Variants in ABCB1 observed in about 807,000 individuals in gnomAD.
ABCB1 encodes the protein ATP binding cassette subfamily B member 1.
In ABCB1, 69 loss-of-function variants were observed where a neutral mutation model predicts 142.0. That is an observed-to-expected ratio of 0.49 (90% CI 0.40 to 0.59). ABCB1 has a LOEUF of 0.59. ABCB1 is among the 20% of genes least tolerant of loss of function. The pLI, the probability that ABCB1 is intolerant of heterozygous loss-of-function variation, is 0.00. For synonymous variants in ABCB1, 532 were observed against 539.2 expected (o/e 0.99, Z 0.18); for missense variants, 1,326 against 1,554.7 (o/e 0.85, Z 2.47).
intron 3 of ABCB1, among the ~76,000 whole-genome samples, chr7:87,588,233 G>A (rs1272063972): frequency 2.6e-5 from 4 of 151,294 alleles, no homozygotes; most frequent in South Asian, 2.1e-4. Context: ...TGTTACATAC[G>A]TAAACTTGTT....
chr7:87,568,165 G>A (rs1229845612), intron 5 of ABCB1, among the ~76,000 whole-genome samples: 4 of 150,380 alleles, frequency 2.7e-5, no homozygotes, highest in South Asian at 4.2e-4. Flanking sequence ...GGAGGCCAAG[G>A]TGGGCGGATC....
At chr7:87,681,906 C>T (rs1826965525) in intron 1 of ABCB1, among the ~76,000 whole-genome samples, 1 of 152,190 alleles carries the variant, frequency 6.6e-6, no homozygotes, top group African/African-American at 2.4e-5. Flanking sequence ...TGAAAGGTTT[C>T]TCTCTAGCAT....
At chr7:87,559,868 C>T (rs28381868) in intron 8 of ABCB1, among the ~76,000 whole-genome samples, 14,455 of 152,194 alleles carry the variant, frequency 0.095, 1,032 homozygotes, top group African/African-American at 0.2. Flanking sequence ...TCTTCCAATG[C>T]TGTTGGGCTG....
intron 1 of ABCB1, among the ~76,000 whole-genome samples, chr7:87,609,051 T>C (rs1665744603): frequency 6.6e-6 from 1 of 152,190 alleles, no homozygotes; most frequent in African/African-American, 2.4e-5. Context: ...GTAGAACTTA[T>C]ATTTGATGGT....
At chr7:87,597,138 A>G (rs1326808740) in intron 2 of ABCB1, among the ~76,000 whole-genome samples, 1 of 152,050 alleles carries the variant, frequency 6.6e-6, no homozygotes, top group South Asian at 2.1e-4. Context: ...TTAAATGCCA[A>G]GTCTGTTCCC....
chr7:87,637,835 T>C (rs929670918), intron 1 of ABCB1, among the ~76,000 whole-genome samples: 2 of 152,026 alleles, frequency 1.3e-5, no homozygotes, highest in Non-Finnish European at 2.9e-5. Context: ...TTTTTCTGAG[T>C]GCACAGTCAT....
intron 4 of ABCB1, among the ~76,000 whole-genome samples, chr7:87,577,164 T>G (rs1000173307): frequency 2.0e-5 from 3 of 152,200 alleles, no homozygotes; most frequent in African/African-American, 7.2e-5. Context: ...GTGAGAAATG[T>G]GAAGTTCGTC....
intron 1 of ABCB1, among the ~76,000 whole-genome samples, chr7:87,648,482 G>T (rs1280090149): frequency 6.6e-6 from 1 of 151,772 alleles, no homozygotes. Flanking sequence ...AAAGTGTAAA[G>T]GAAAACATAT....
chr7:87,556,613 C>G (rs1817322473), intron 8 of ABCB1, among the ~76,000 whole-genome samples: 1 of 152,228 alleles, frequency 6.6e-6, no homozygotes. Context: ...TCACCCCTCT[C>G]CTGCCTCTGC....
intron 14 of ABCB1, among the ~76,000 whole-genome samples, chr7:87,548,353 A>G (rs981574588): frequency 1.4e-4 from 21 of 145,084 alleles, no homozygotes; most frequent in Admixed American, 3.4e-4. Context: ...GGATTGAGGG[A>G]GGGAGGGAAG....
At chr7:87,649,580 G>A (rs926131765) in intron 1 of ABCB1, among the ~76,000 whole-genome samples, 4 of 152,110 alleles carry the variant, frequency 2.6e-5, no homozygotes, top group African/African-American at 9.7e-5. Flanking sequence ...AAAATACATT[G>A]ATTTTTGACA....
Position 87,674,913 on chromosome 7 carries a change from G to A in ABCB1, c.-331+38248C>T, listed in dbSNP as rs76053309. 3.1e-3 allele frequency among the ~76,000 whole-genome samples: 468 copies of A among 152,282 alleles called. 6 individuals carry two copies. The East Asian group carries it at 0.049, about 16-fold the overall frequency. On this transcript the variant is annotated intron_variant, in intron 1 of 28. Coordinates refer to the ABCB1 transcript ENST00000265724. ...CCCACAGGAGCATGGTAAGCCTTGG[G>A]GGAGGGGCATCCTTGGATGTGCTCC...
At chr7:87,600,004 C>A (rs770792706) in intron 2 of ABCB1, 113 bp downstream of exon 2, 29 of 1,136,324 alleles carry the variant, frequency 2.6e-5, no homozygotes, top group Middle Eastern at 5.3e-4. Context: ...GCTTGCGTTT[C>A]TTAAAAATAA....
At chr7:87,514,341 G>T (rs1815140081) in intron 25 of ABCB1, among the ~76,000 whole-genome samples, 1 of 152,024 alleles carries the variant, frequency 6.6e-6, no homozygotes, top group Non-Finnish European at 1.5e-5. Context: ...AAAATGTCTT[G>T]CTCTTAATTC....
intron 1 of ABCB1, among the ~76,000 whole-genome samples, chr7:87,653,327 A>G (rs1585010330): frequency 1.3e-5 from 2 of 152,124 alleles, no homozygotes; most frequent in Non-Finnish European, 2.9e-5. Flanking sequence ...TATGTAGAAC[A>G]TTTTGTTGAA....
chr7:87,600,533 G>A (rs2130004285), intron 1 of ABCB1, among the ~76,000 whole-genome samples: 1 of 152,314 alleles, frequency 6.6e-6, no homozygotes, highest in African/African-American at 2.4e-5. Context: ...CGGGCTGTGC[G>A]CGCTCCGGGC....
chr7:87,638,914 A>G (rs1248265270), intron 1 of ABCB1, among the ~76,000 whole-genome samples: 2 of 152,112 alleles, frequency 1.3e-5, no homozygotes, highest in Non-Finnish European at 2.9e-5. Flanking sequence ...GCACTTTGGG[A>G]GGCCAAGGCG....
chr7:87,650,761 T>G (rs1823493086), intron 1 of ABCB1: 1 of 1,022,938 alleles, frequency 9.8e-7, no homozygotes. Flanking sequence ...CCTCCCATTT[T>G]TTTCATACTT....
At chr7:87,606,769 A>G (rs1482538942) in intron 1 of ABCB1, among the ~76,000 whole-genome samples, 1 of 152,050 alleles carries the variant, frequency 6.6e-6, no homozygotes, top group Non-Finnish European at 1.5e-5. Flanking sequence ...GTCTGAGTTT[A>G]CTTTAATTTT....
Sources: allele counts gnomAD v4.1 joint callset (sites outside exome capture counted in the v4.1 genomes callset), GRCh38; gene constraint gnomAD v4.1.1; transcripts MANE v1.5; gene names NCBI Gene and HGNC (gene_info 2026-07-23, HGNC 2026-07-21).